The following CACNG3 variants were observed in gnomAD, a reference collection of about 807,000 sequenced individuals.
CACNG3 encodes the protein voltage-dependent calcium channel gamma-3 subunit.
CACNG3 carries 3 observed loss-of-function variants against 28.5 expected under a neutral mutation model. The ratio of observed to expected loss-of-function variants is 0.11; its 90% CI spans 0.05 to 0.27. CACNG3 has a LOEUF of 0.27. CACNG3 is among the 10% of genes least tolerant of loss of function. The pLI is 1.00. For synonymous variants in CACNG3, 174 were observed against 162.2 expected (o/e 1.07, Z -0.55); for missense variants, 236 against 414.4 (o/e 0.57, Z 3.74).
At chr16:24,271,860 TC>T (rs60974487) in intron 1 of CACNG3, among the ~76,000 whole-genome samples, 101,752 of 151,750 alleles carry the variant, frequency 0.67, 34,673 homozygotes, top group African/African-American at 0.79. Context: ...GGTTTGTGAG[TC>T]CCCCAAGGTG....
chr16:24,342,880 T>C (rs1899810592), intron 1 of CACNG3, among the ~76,000 whole-genome samples: 1 of 152,080 alleles, frequency 6.6e-6, no homozygotes, highest in African/African-American at 2.4e-5. Context: ...AGTAAGCTGC[T>C]TTAGACCATT....
chr16:24,260,741 G>A (rs750433856), intron 1 of CACNG3, among the ~76,000 whole-genome samples: 3 of 152,204 alleles, frequency 2.0e-5, no homozygotes, highest in Non-Finnish European at 4.4e-5. Flanking sequence ...AAACTTAGAG[G>A]CAGCAAAGGA....
chr16:24,346,680 C>T, intron 1 of CACNG3, 54 bp from the exon 2 acceptor site: 1 of 1,078,348 alleles, frequency 9.3e-7, no homozygotes, highest in Non-Finnish European at 1.4e-6. Flanking sequence ...CCCAGGCTGG[C>T]CCCCAGAGCT....
chr16:24,357,710 G>C lies in CACNG3; in HGVS notation c.436+2737G>C, dbSNP rs1900051067. Among the ~76,000 whole-genome samples the C allele has an allele frequency of 2.6e-5, 4 of 152,210 alleles. No homozygotes were observed. The South Asian group carries it at 8.3e-4, about 31-fold the overall frequency. ...TAGCATCTGGCAAACCCAGGGACTT[G>C]TTTTGTCTTGAGGCACGCTCCTGTC... On this transcript the variant is annotated intron_variant, in intron 3 of 3. Transcript: ENST00000005284.
rs1491194402 is a variant in CACNG3, at chr16:24,317,648, A to AAAGAAAGGAAAAGAAAG, written c.212-29084_212-29083insGAAAGGAAAAGAAAGAA. On this transcript the variant is annotated intron_variant, in intron 1 of 3. Transcript: ENST00000005284. ...AAAGACAGACAGAAAGAAAGAAAAGAAAAGAAAGAAAGAAAGAAAGAAAGA... is the reference window on the plus strand; with the variant it reads ...AAAGACAGACAGAAAGAAAGAAAAGAAAGAAAGGAAAAGAAAGAAAGAAAGAAAGAAAGAAAGAAAGA... Among the ~76,000 whole-genome samples the AAAGAAAGGAAAAGAAAG allele has an allele frequency of 9.3e-4, 52 of 55,714 alleles. 1 individual carries two copies. The highest frequency in any genetic ancestry group is 1.2e-3 in the South Asian group (2 of 1,622). 36.6% of individuals were successfully genotyped at this position (55,714 alleles called of 152,430 possible). A position where few individuals can be genotyped will look rare whatever the true frequency, so the allele number is the denominator to read the frequency against.
rs146576490 is a variant in CACNG3, at chr16:24,319,612, A to T, written c.212-27122A>T. 8.7e-4 allele frequency among the ~76,000 whole-genome samples: 17 copies of T among 19,616 alleles called. 1 individual carries two copies. The highest frequency in any genetic ancestry group is 2.0e-3 in the Admixed American group (6 of 3,046). 12.9% of individuals were successfully genotyped at this position (19,616 alleles called of 152,430 possible). On this transcript the variant is annotated intron_variant, in intron 1 of 3. Transcript: ENST00000005284. ...CTGGCTTTTATTTATTTATTTATTTATTTAATTTATTTATTTATTTTCATA... is the reference window on the plus strand; with the variant it reads ...CTGGCTTTTATTTATTTATTTATTTTTTTAATTTATTTATTTATTTTCATA...
intron 1 of CACNG3, among the ~76,000 whole-genome samples, chr16:24,293,283 G>A (rs1898988767): frequency 1.3e-5 from 2 of 152,292 alleles, no homozygotes; most frequent in South Asian, 4.1e-4. Flanking sequence ...GAGTGGCACT[G>A]TTTTCTTCTT....
intron 2 of CACNG3, among the ~76,000 whole-genome samples, 186 bp from the exon 3 acceptor site, chr16:24,354,647 C>T (rs550002980): frequency 1.3e-5 from 2 of 152,366 alleles, no homozygotes; most frequent in South Asian, 4.1e-4. Context: ...GACTGCAGAG[C>T]ATCAACCCCA....
chr16:24,321,376 G>A (rs1179863574), intron 1 of CACNG3, among the ~76,000 whole-genome samples: 1 of 150,980 alleles, frequency 6.6e-6, no homozygotes, highest in East Asian at 2.0e-4. Context: ...GAACCTCAGA[G>A]GTTGCAATGA....
chr16:24,281,027 A>C (rs145759534), intron 1 of CACNG3, among the ~76,000 whole-genome samples: 2 of 152,102 alleles, frequency 1.3e-5, no homozygotes, highest in African/African-American at 4.8e-5. Context: ...TACTGAAATA[A>C]CAGAGGTATG....
intron 1 of CACNG3, among the ~76,000 whole-genome samples, chr16:24,300,620 CA>C (rs111715020): frequency 0.39 from 43,106 of 109,324 alleles, 6,297 homozygotes; most frequent in Admixed American, 0.43. Context: ...CAAAACAAGA[CA>C]AAAAAAAAAA....
In CACNG3 at chr16:24,344,230, A is replaced by C. The variant is rs556532227; in HGVS notation, c.212-2504A>C. On this transcript the variant is annotated intron_variant, in intron 1 of 3. Coordinates refer to ENST00000005284, the MANE Select transcript of CACNG3 (RefSeq NM_006539.4). ...GTGGTTCACCTGAGGTCAGGGGTTC[A>C]AGACCAGCCTGGCCAACATGGTGAA... is the stretch of plus-strand genomic sequence containing the variant. Among the ~76,000 whole-genome samples the C allele has an allele frequency of 3.9e-5, 6 of 152,102 alleles. No individual in the cohort carries two copies. The South Asian group carries it at 1.2e-3, about 32-fold the overall frequency.
intron 1 of CACNG3, among the ~76,000 whole-genome samples, chr16:24,279,887 G>T (rs183159445): frequency 6.6e-6 from 1 of 152,288 alleles, no homozygotes; most frequent in Non-Finnish European, 1.5e-5. Context: ...TGTTGAGTTT[G>T]CAGCTTCCTT....
chr16:24,312,740 C>G (rs1899280375), intron 1 of CACNG3, among the ~76,000 whole-genome samples: 1 of 151,632 alleles, frequency 6.6e-6, no homozygotes, highest in African/African-American at 2.4e-5. Context: ...ATCACTTGAG[C>G]CCTGGAGTTC....
chr16:24,304,159 C>T (rs911745525), intron 1 of CACNG3, among the ~76,000 whole-genome samples: 2 of 151,958 alleles, frequency 1.3e-5, no homozygotes, highest in Admixed American at 6.6e-5. Flanking sequence ...GAATATGTGG[C>T]GGGCTAGTGG....
intron 1 of CACNG3, among the ~76,000 whole-genome samples, chr16:24,283,153 C>A (rs547001033): frequency 6.6e-6 from 1 of 152,228 alleles, no homozygotes; most frequent in African/African-American, 2.4e-5. Context: ...AGAAGAGCGC[C>A]TTCTTCTCTG....
intron 1 of CACNG3, among the ~76,000 whole-genome samples, chr16:24,319,784 G>A (rs1479122907): frequency 4.0e-5 from 6 of 150,440 alleles, no homozygotes; most frequent in Admixed American, 3.3e-4. Context: ...TGTTTGTTTT[G>A]TTTTTAAAGA....
intron 1 of CACNG3, among the ~76,000 whole-genome samples, chr16:24,321,582 G>A (rs1040422756): frequency 6.6e-6 from 1 of 152,216 alleles, no homozygotes; most frequent in Non-Finnish European, 1.5e-5. Flanking sequence ...AAGCACAAGA[G>A]TAGTTATGCT....
At chr16:24,323,623 C>A (rs1215051577) in intron 1 of CACNG3, among the ~76,000 whole-genome samples, 2 of 152,174 alleles carry the variant, frequency 1.3e-5, no homozygotes, top group Non-Finnish European at 2.9e-5. Flanking sequence ...GGTTGGATCA[C>A]AGCAACGCTC....
Sources: allele counts gnomAD v4.1 joint callset (sites outside exome capture counted in the v4.1 genomes callset), GRCh38; gene constraint gnomAD v4.1.1; transcripts MANE v1.5; gene names NCBI Gene and HGNC (gene_info 2026-07-23, HGNC 2026-07-21).